The following CHRM5 variants were observed in gnomAD, a reference collection of about 807,000 sequenced individuals.
The protein encoded by CHRM5 is cholinergic receptor muscarinic 5.
CHRM5 carries 18 observed loss-of-function variants against 39.0 expected under a neutral mutation model. The ratio of observed to expected loss-of-function variants is 0.46; its 90% CI spans 0.32 to 0.68. The LOEUF (loss-of-function observed/expected upper bound fraction) is 0.68, where lower values mean the gene tolerates loss of function less well. CHRM5 is among the 30% of genes least tolerant of loss of function. The probability of loss-of-function intolerance (pLI) is 0.04; values close to 1 mark genes in which losing one functional copy is unlikely to be tolerated. For synonymous variants in CHRM5, 241 were observed against 246.3 expected, an observed-to-expected ratio of 0.98 and a Z score of 0.20; for missense variants, 515 against 651.1, an observed-to-expected ratio of 0.79 and a Z score of 2.28.
At chr15:34,004,363 A>C (rs1224028744) in intron 1 of CHRM5, among the ~76,000 whole-genome samples, 2 of 152,218 alleles carry the variant, frequency 1.3e-5, no homozygotes, top group Non-Finnish European at 2.9e-5. Context: ...TTCTTCAATA[A>C]ATAAACTGAA....
intron 1 of CHRM5, among the ~76,000 whole-genome samples, chr15:34,042,407 T>C (rs548179111): frequency 6.6e-6 from 1 of 150,788 alleles, no homozygotes; most frequent in African/African-American, 2.4e-5. Flanking sequence ...TTTTTTTTTT[T>C]TTTTTTTTTT....
chr15:34,048,522 A>G (rs536216633), intron 2 of CHRM5, among the ~76,000 whole-genome samples: 98 of 151,580 alleles, frequency 6.5e-4, no homozygotes, highest in African/African-American at 2.1e-3. Flanking sequence ...CACTCTAGCC[A>G]GGGTTATACA....
chr15:33,985,653 T>C (rs768957087), intron 1 of CHRM5, among the ~76,000 whole-genome samples: 20 of 152,038 alleles, frequency 1.3e-4, no homozygotes, highest in African/African-American at 4.8e-5. Flanking sequence ...GTTGTAGGCA[T>C]TTCTGTACCC....
chr15:34,055,829 T>C (rs923645710), intron 2 of CHRM5, among the ~76,000 whole-genome samples: 3 of 152,022 alleles, frequency 2.0e-5, no homozygotes, highest in African/African-American at 7.2e-5. Context: ...TAAATAAAAA[T>C]AAACAAATAA....
chr15:34,021,413 G>A (rs1376121978), intron 1 of CHRM5, among the ~76,000 whole-genome samples: 1 of 151,886 alleles, frequency 6.6e-6, no homozygotes, highest in Non-Finnish European at 1.5e-5. Context: ...AGCCTCCTGA[G>A]TAGCTGGGAT....
chr15:34,025,682 G>A (rs1031434510), intron 1 of CHRM5, among the ~76,000 whole-genome samples: 4 of 152,116 alleles, frequency 2.6e-5, no homozygotes, highest in Middle Eastern at 3.2e-3. Flanking sequence ...GGGTAAAGAC[G>A]CATCATATCC....
chr15:34,002,966 A>T (rs1051515399), intron 1 of CHRM5: 29 of 1,354,404 alleles, frequency 2.1e-5, no homozygotes, highest in Admixed American at 9.5e-5. Flanking sequence ...GAATTTAAAA[A>T]CATATATAAA....
At chr15:34,039,848 A>C (rs558432526) in intron 1 of CHRM5, among the ~76,000 whole-genome samples, 1 of 152,188 alleles carries the variant, frequency 6.6e-6, no homozygotes, top group Non-Finnish European at 1.5e-5. Context: ...AAAAAACTTG[A>C]CTAAAGTGAA....
intron 1 of CHRM5, among the ~76,000 whole-genome samples, chr15:34,013,836 A>G (rs969617413): frequency 2.6e-5 from 4 of 152,158 alleles, no homozygotes; most frequent in Non-Finnish European, 2.9e-5. Context: ...AGTATGTACG[A>G]GGACCCATGA....
chr15:34,046,915 A>G (rs1268687147), intron 2 of CHRM5, 44 bp downstream of exon 2: 1 of 152,438 alleles, frequency 6.6e-6, no homozygotes. Flanking sequence ...CATTTCTCCC[A>G]CAGGTCTTTG....
chr15:33,990,034 C>A (rs937256768), intron 1 of CHRM5, among the ~76,000 whole-genome samples: 2 of 151,786 alleles, frequency 1.3e-5, no homozygotes, highest in East Asian at 3.9e-4. Context: ...GAAACCCCGT[C>A]TCTACTAAAA....
At chr15:34,019,538 A>G (rs1326523394) in intron 1 of CHRM5, among the ~76,000 whole-genome samples, 2 of 152,102 alleles carry the variant, frequency 1.3e-5, no homozygotes, top group Non-Finnish European at 2.9e-5. Flanking sequence ...CTCACCACTC[A>G]CTCACTGACT....
intron 1 of CHRM5, among the ~76,000 whole-genome samples, chr15:34,024,436 G>A (rs1282159980): frequency 7.2e-6 from 1 of 138,690 alleles, no homozygotes; most frequent in East Asian, 2.0e-4. Flanking sequence ...CTGCACCACT[G>A]CCCTCCAGCC....
chr15:34,004,705 T>C (rs889372246), intron 1 of CHRM5, among the ~76,000 whole-genome samples: 6 of 152,170 alleles, frequency 3.9e-5, no homozygotes, highest in Admixed American at 2.6e-4. Flanking sequence ...GAATGGTGGA[T>C]AGACATGAAA....
intron 2 of CHRM5, among the ~76,000 whole-genome samples, chr15:34,058,792 A>C (rs1399238485): frequency 6.6e-6 from 1 of 152,220 alleles, no homozygotes; most frequent in Non-Finnish European, 1.5e-5. Flanking sequence ...AATAAAGCCA[A>C]CTGAGATCTT....
At position 34,066,644 on chromosome 15, in the gene CHRM5, A is replaced by C. The variant is rs1034062630; in HGVS notation, c.*2328A>C. ...CATAGGGAGACCCTGTCTCTACAAA[A>C]AAAATTTTAAATACCTGGGCATTAG... On this transcript the variant is annotated 3_prime_UTR_variant, in exon 3 of 3. Coordinates refer to ENST00000383263, the MANE Select transcript of CHRM5 (RefSeq NM_012125.4). 6.6e-6 allele frequency: 1 copy of C among 152,116 alleles called. No individual in the cohort carries two copies. Among genetic ancestry groups the C allele is most frequent in the Non-Finnish European group, 1.5e-5 (1 of 68,054 alleles). 9.4% of individuals were successfully genotyped at this position (152,116 alleles called of 1,614,324 possible). A position where few individuals can be genotyped will look rare whatever the true frequency, so the allele number is the denominator to read the frequency against.
chr15:33,988,660 T>A (rs1896586090), intron 1 of CHRM5, among the ~76,000 whole-genome samples: 1 of 152,202 alleles, frequency 6.6e-6, no homozygotes, highest in South Asian at 2.1e-4. Context: ...AGCCTAACCC[T>A]TCTGAGGACA....
chr15:33,982,677 G>C (rs1896206654), intron 1 of CHRM5, among the ~76,000 whole-genome samples: 1 of 152,102 alleles, frequency 6.6e-6, no homozygotes, highest in African/African-American at 2.4e-5. Flanking sequence ...ACAAGAATTT[G>C]TTTAGGTTAT....
At chr15:33,972,935 C>T (rs1895704144) in intron 1 of CHRM5, among the ~76,000 whole-genome samples, 1 of 152,194 alleles carries the variant, frequency 6.6e-6, no homozygotes, top group Admixed American at 6.5e-5. Context: ...GCTGAAGTCT[C>T]ATTATCTACA....
Sources: gnomAD v4.1 joint callset for allele counts (sites outside exome capture counted in the v4.1 genomes callset) on GRCh38, gnomAD v4.1.1 for gene constraint, MANE v1.5 for transcripts, NCBI Gene and HGNC (gene_info 2026-07-23, HGNC 2026-07-21) for gene names.